The following CHRDL1 variants were observed in gnomAD, a reference collection of about 807,000 sequenced individuals.
The protein encoded by CHRDL1 is chordin-like protein 1.
CHRDL1 carries 19 observed loss-of-function variants against 40.9 expected under a neutral mutation model. The ratio of observed to expected loss-of-function variants is 0.46; its 90% CI spans 0.32 to 0.68. The LOEUF (loss-of-function observed/expected upper bound fraction) is 0.68. Ranked by LOEUF, CHRDL1 falls within the 30% of genes least tolerant of loss-of-function variation. The pLI is 0.03. For synonymous variants in CHRDL1, 136 were observed against 123.4 expected (o/e 1.10, Z -0.68); for missense variants, 329 against 352.1 (o/e 0.93, Z 0.53).
intron 8 of CHRDL1, 122 bp from the exon 9 acceptor site, chrX:110,688,925 G>A: frequency 1.9e-6 from 1 of 527,901 alleles, no homozygotes; most frequent in East Asian, 3.5e-5. Context: ...CATAGCCATG[G>A]GGCTATGTTT....
intron 9 of CHRDL1, among the ~76,000 whole-genome samples, chrX:110,686,045 C>T (rs2070008744): frequency 9.1e-6 from 1 of 109,525 alleles, no homozygotes; most frequent in African/African-American, 3.3e-5. Flanking sequence ...GAGGTACGTG[C>T]CACCATACCT....
chrX:110,692,766 C>T (rs2070305283), intron 8 of CHRDL1, among the ~76,000 whole-genome samples: 1 of 111,706 alleles, frequency 9.0e-6, no homozygotes, highest in Non-Finnish European at 1.9e-5. Context: ...GGTTTTATTT[C>T]GAATGTTTTT....
intron 4 of CHRDL1, among the ~76,000 whole-genome samples, chrX:110,745,667 C>T (rs1342815116): frequency 8.9e-6 from 1 of 112,018 alleles, no homozygotes; most frequent in Non-Finnish European, 1.9e-5. Context: ...ACACTTCTAC[C>T]AGAGTACTCA....
At chrX:110,754,766 A>G (rs2089422829) in intron 4 of CHRDL1, among the ~76,000 whole-genome samples, 2 of 111,133 alleles carry the variant, frequency 1.8e-5, no homozygotes, top group South Asian at 3.8e-4. Flanking sequence ...TGGCAATTTT[A>G]TAAGAGCTCT....
At chrX:110,756,323 T>C (rs2089451490) in intron 4 of CHRDL1, among the ~76,000 whole-genome samples, 1 of 112,063 alleles carries the variant, frequency 8.9e-6, no homozygotes, top group Non-Finnish European at 1.9e-5. Flanking sequence ...CAGCTGGGAC[T>C]GAATATGGAT....
rs867394469 is a variant in CHRDL1, at chrX:110,747,589, A to G, written c.301+12072T>C. On this transcript the variant is annotated intron_variant, in intron 4 of 11. Coordinates refer to ENST00000372042, the MANE Select transcript of CHRDL1 (RefSeq NM_001143981.2). Reference sequence around the variant, plus strand: ...GCCTCCAATCAGAACCATCAAGAACAAATGAAAATGTAATCCCACTTTATA... The same window carrying G: ...GCCTCCAATCAGAACCATCAAGAACGAATGAAAATGTAATCCCACTTTATA... 5.3e-5 allele frequency among the ~76,000 whole-genome samples: 6 copies of G among 112,179 alleles called. No individual in the cohort carries two copies. In the South Asian group the frequency reaches 2.2e-3, roughly 41 times the overall value.
intron 4 of CHRDL1, among the ~76,000 whole-genome samples, chrX:110,744,033 G>T (rs774182497): frequency 8.9e-6 from 1 of 112,316 alleles, no homozygotes; most frequent in Non-Finnish European, 1.9e-5. Flanking sequence ...CCTCTAAAGT[G>T]GGGTAGGAAG....
intron 6 of CHRDL1, among the ~76,000 whole-genome samples, chrX:110,714,034 C>T (rs1287535360): frequency 9.2e-6 from 1 of 108,712 alleles, no homozygotes; most frequent in Non-Finnish European, 1.9e-5. Context: ...AGTATAATCT[C>T]TGAAGAGATT....
chrX:110,721,493 G>C lies in CHRDL1; in HGVS notation c.339C>G (p.Ser113Arg). 8.3e-7 allele frequency: 1 copy of C among 1,208,443 alleles called. No individual in the cohort carries two copies. The highest frequency in any genetic ancestry group is 1.1e-6 in the Non-Finnish European group (1 of 892,420). Residue 113 changes from serine (S) to arginine (R), a missense_variant, in exon 5 of 12, where the codon AGC becomes AGG. By Grantham distance (110) the Ser-to-Arg change is moderately radical. Transcript: ENST00000372042. ...TTGTCCCATTGTACTCGCAAGACTT[G>C]CTGGTCACCTTATTGTTCACTGGGG... ...SLPPVNNKVT[S>R]KSCEYNGTTY... is the part of the protein sequence containing the mutation.
chrX:110,683,304 C>T (rs192645381), intron 9 of CHRDL1, among the ~76,000 whole-genome samples: 13 of 108,401 alleles, frequency 1.2e-4, no homozygotes, highest in Non-Finnish European at 2.1e-4. Flanking sequence ...TAGCAACATC[C>T]GCCGTTTTTC....
At chrX:110,719,772 C>T in intron 6 of CHRDL1, 63 bp downstream of exon 6, 5 of 703,022 alleles carry the variant, frequency 7.1e-6, no homozygotes, top group Non-Finnish European at 1.1e-5. Context: ...GTATTTTCCT[C>T]CTTTCTAAAT....
In CHRDL1 at chrX:110,719,842, T is replaced by C. The variant is rs1190184240; in HGVS notation, c.534A>G (p.Val178=). 1 of 1,197,890 alleles carries C rather than the reference T, an allele frequency of 8.3e-7. No homozygotes were observed. Among genetic ancestry groups the C allele is most frequent in the African/African-American group, 1.7e-5 (1 of 57,419 alleles). Residue 178 remains valine, a synonymous_variant, in exon 6 of 12, where the codon GTA becomes GTG. Coordinates refer to ENST00000372042, the MANE Select transcript of CHRDL1 (RefSeq NM_001143981.2). ...PVSVPDSCCR[V]CRGDGELSWE... is the part of the protein sequence containing the mutation. ...GGGATATAACACACCTACCTCTGCA[T>C]ACCCGGCAGCAGGAATCTGGAACAG...
intron 4 of CHRDL1, among the ~76,000 whole-genome samples, chrX:110,746,239 G>T (rs1204099367): frequency 9.0e-6 from 1 of 111,040 alleles, no homozygotes; most frequent in African/African-American, 3.3e-5. Flanking sequence ...CCTGCAAGAG[G>T]CGCCAGATGA....
rs757084484 is a variant in CHRDL1, at chrX:110,732,105, G to A, written c.302-10575C>T. Among the ~76,000 whole-genome samples the A allele has an allele frequency of 2.7e-5, 3 of 111,132 alleles. No individual in the cohort carries two copies. In the East Asian group the frequency reaches 8.5e-4, roughly 31 times the overall value. Reference sequence around the variant, plus strand: ...AATGAAGGTGTTTTGTAGGTGATAGGCAGTTGAAGAAGAGAAAGGTAAATT... The same window carrying A: ...AATGAAGGTGTTTTGTAGGTGATAGACAGTTGAAGAAGAGAAAGGTAAATT... On this transcript the variant is annotated intron_variant, in intron 4 of 11. Transcript: ENST00000372042.
At chrX:110,756,641 T>C (rs974620454) in intron 4 of CHRDL1, among the ~76,000 whole-genome samples, 2 of 110,944 alleles carry the variant, frequency 1.8e-5, no homozygotes, top group African/African-American at 6.6e-5. Flanking sequence ...AAGTGAACTA[T>C]AAAGCCTGCA....
intron 2 of CHRDL1, among the ~76,000 whole-genome samples, chrX:110,775,785 T>A (rs1038078964): frequency 9.4e-6 from 1 of 106,268 alleles, no homozygotes; most frequent in Admixed American, 1.0e-4. Flanking sequence ...TTTTTGTTAC[T>A]TTTTTTTTTG....
intron 2 of CHRDL1, among the ~76,000 whole-genome samples, chrX:110,787,814 G>A (rs1235482486): frequency 8.9e-6 from 1 of 112,321 alleles, no homozygotes; most frequent in African/African-American, 3.2e-5. Context: ...TGGACTGCAT[G>A]AAATACATGA....
chrX:110,786,727 G>A (rs1041708290), intron 2 of CHRDL1, among the ~76,000 whole-genome samples: 3 of 112,170 alleles, frequency 2.7e-5, no homozygotes, highest in Admixed American at 9.5e-5. Flanking sequence ...AGACATAGAC[G>A]CACATACTTT....
In CHRDL1 at chrX:110,775,258, G is replaced by A. The variant is rs762746874; in HGVS notation, c.95-12451C>T. 9.1e-4 allele frequency among the ~76,000 whole-genome samples: 101 copies of A among 111,445 alleles called. 1 individual carries two copies. The highest frequency in any genetic ancestry group is 4.6e-3 in the Middle Eastern group (1 of 218). Reference sequence around the variant, plus strand: ...GGTAGGTTTGAAGTGTTGACAATAAGAGGATGCAGTGTATCTTGAAATAAA... The same window carrying A: ...GGTAGGTTTGAAGTGTTGACAATAAAAGGATGCAGTGTATCTTGAAATAAA... On this transcript the variant is annotated intron_variant, in intron 2 of 11. Coordinates refer to ENST00000372042, the MANE Select transcript of CHRDL1 (RefSeq NM_001143981.2).
Sources: gnomAD v4.1 joint callset for allele counts (sites outside exome capture counted in the v4.1 genomes callset) on GRCh38, gnomAD v4.1.1 for gene constraint, MANE v1.5 for transcripts, NCBI Gene and HGNC (gene_info 2026-07-23, HGNC 2026-07-21) for gene names.